Variants in ARSD observed in about 807,000 individuals in gnomAD.
ARSD encodes the protein testis tissue sperm-binding protein Li 39a.
ARSD carries 21 observed loss-of-function variants against 32.6 expected under a neutral mutation model. The ratio of observed to expected loss-of-function variants is 0.64; its 90% CI spans 0.46 to 0.93. ARSD has a LOEUF of 0.93. Among genes scored for constraint, ARSD ranks in the 40% least tolerant of loss-of-function variants. ARSD has a pLI of 0.00. For synonymous variants in ARSD, 224 were observed against 237.4 expected (o/e 0.94, Z 0.52); for missense variants, 454 against 520.9 (o/e 0.87, Z 1.25).
chrX:2,925,490 C>G (rs1343918814), intron 2 of ARSD, 126 bp downstream of exon 2: 9 of 729,685 alleles, frequency 1.2e-5, no homozygotes, highest in Middle Eastern at 5.1e-4. Context: ...GCCTTTTTAC[C>G]TGTTGGTAGT....
At chrX:2,914,126 G>C (rs1336389145) in intron 6 of ARSD, 3 of 750,048 alleles carry the variant, frequency 4.0e-6, no homozygotes, top group Non-Finnish European at 4.7e-6. Context: ...TGCAAGAATG[G>C]ACTAATACAG....
Position 2,925,703 on chromosome X carries a change from G to T in ARSD, c.107C>A (p.Ala36Glu), listed in dbSNP as rs1361378447. ...LLLKTCEPKT[A>E]NAFKPNILLI... ...TAGGATATTTGGTTTAAAGGCATTT[G>T]CAGTTTTAGGTTCACACGTCTTCAG... Residue 36 changes from alanine to glutamate, a missense_variant, in exon 2 of 10, where the codon GCA becomes GAA. Coordinates refer to ENST00000381154, the MANE Select transcript of ARSD (RefSeq NM_001669.4). 8.3e-7 allele frequency: 1 copy of T among 1,210,123 alleles called. No individual in the cohort carries two copies. Among genetic ancestry groups the T allele is most frequent in the Admixed American group, 2.2e-5 (1 of 45,972 alleles).
At chrX:2,918,909 T>C (rs1254987577) in intron 4 of ARSD, among the ~76,000 whole-genome samples, 1 of 109,514 alleles carries the variant, frequency 9.1e-6, no homozygotes, top group African/African-American at 3.3e-5. Flanking sequence ...AGGTCAGGAG[T>C]TCGAGACCAG....
Position 2,920,618 on chromosome X carries a change from T to C in ARSD, c.422A>G (p.Tyr141Cys). The change falls in exon 4 of 10, where the codon TAT becomes TGT. Residue 141 changes from tyrosine (Y) to cysteine (C), a missense_variant. Transcript: ENST00000381154. Reference sequence around the variant, plus strand: ...ATCCACACCTATGAGGCCGGTTGCATAGCCATGCTGCTGCAAGATTCTTGC... The same window carrying C: ...ATCCACACCTATGAGGCCGGTTGCACAGCCATGCTGCTGCAAGATTCTTGC... ...TFARILQQHG[Y>C]ATGLIGKWHQ... is the part of the protein sequence containing the mutation. The C allele has an allele frequency of 1.7e-6, 2 of 1,211,974 alleles. No homozygotes were observed. Among genetic ancestry groups the C allele is most frequent in the Non-Finnish European group, 2.2e-6 (2 of 895,536 alleles).
intron 4 of ARSD, 144 bp from the exon 5 acceptor site, chrX:2,918,371 G>T: frequency 1.8e-6 from 1 of 544,962 alleles, no homozygotes. Flanking sequence ...TGAATGGATT[G>T]GATACCTGTG....
At position 2,917,975 on chromosome X, in the gene ARSD, G is replaced by C; in HGVS notation, c.692C>G (p.Thr231Ser). 24 of 1,211,712 alleles carry C rather than the reference G, an allele frequency of 2.0e-5. No homozygotes were observed. Among genetic ancestry groups the C allele is most frequent in the Non-Finnish European group, 2.7e-5 (24 of 895,277 alleles). Residue 231 changes from threonine (T) to serine (S), a missense_variant, in exon 5 of 10, where the codon ACC becomes AGC. Coordinates refer to ENST00000381154, the MANE Select transcript of ARSD (RefSeq NM_001669.4). Reference protein sequence around the residue: ...GFFSVSARAVTGMAGVGCLFF... With the variant: ...GFFSVSARAVSGMAGVGCLFF... ...CAGGCAGCCCACGCCGGCCATGCCG[G>C]TGACTGCTCTCGCGGAGACAGAGAA...
chrX:2,929,177 C>A (rs2089125264), intron 1 of ARSD, 55 bp downstream of exon 1: 2 of 994,216 alleles, frequency 2.0e-6, no homozygotes, highest in Admixed American at 1.1e-4. Context: ...GCGACCCCCT[C>A]CCCAGGCCCC....
intron 6 of ARSD, chrX:2,914,261 G>C: frequency 1.4e-6 from 1 of 716,437 alleles, no homozygotes; most frequent in Non-Finnish European, 1.7e-6. Context: ...ACAGGGTCTT[G>C]CTATGTGGCC....
At chrX:2,918,916 C>A (rs1252323855) in intron 4 of ARSD, among the ~76,000 whole-genome samples, 1 of 110,082 alleles carries the variant, frequency 9.1e-6, no homozygotes, top group African/African-American at 3.3e-5. Flanking sequence ...GAGTTCGAGA[C>A]CAGCCTGGCC....
In ARSD at chrX:2,920,678, C is replaced by G; in HGVS notation, c.362G>C (p.Gly121Ala). Reference sequence around the variant, plus strand: ...TTCGTTCTCAGGGAGTCCACCTGAGCCTGCGTTCCACTGAAGGGCCCGGTA... The same window carrying G: ...TTCGTTCTCAGGGAGTCCACCTGAGGCTGCGTTCCACTGAAGGGCCCGGTA... ...NGYRALQWNA[G>A]SGGLPENETT... Residue 121 changes from glycine (G) to alanine (A), a missense_variant, in exon 4 of 10, where the codon GGC becomes GCC. Gly to Ala is a moderately conservative substitution (Grantham distance 60). Coordinates refer to ENST00000381154, the MANE Select transcript of ARSD (RefSeq NM_001669.4). 8.3e-7 allele frequency: 1 copy of G among 1,211,857 alleles called. No individual in the cohort carries two copies. Among genetic ancestry groups the G allele is most frequent in the Non-Finnish European group, 1.1e-6 (1 of 895,455 alleles).
intron 9 of ARSD, chrX:2,907,996 C>A: frequency 1.3e-6 from 1 of 793,181 alleles, no homozygotes; most frequent in Non-Finnish European, 1.5e-6. Context: ...TACACAGAAA[C>A]AACCATGATA....
At chrX:2,922,064 A>G (rs747123185) in intron 2 of ARSD, 40 bp from the exon 3 acceptor site, 27 of 1,172,957 alleles carry the variant, frequency 2.3e-5, no homozygotes, top group Admixed American at 1.1e-4. Context: ...GAAGGGAGAC[A>G]TGCATTTGGC....
Position 2,909,827 on chromosome X carries a change from GCACCTCGC to G in ARSD, c.1280_1287del (p.Gly427AlafsTer7). On this transcript the variant is annotated frameshift_variant, in exon 8 of 10. Coordinates refer to ENST00000381154, the MANE Select transcript of ARSD (RefSeq NM_001669.4). LOFTEE classifies it high-confidence loss of function. ...CTTATCTCCACGTACCTGTCCTGGGGCACCTCGCCACCCACCAGCTGGACCACAGTAGG... is the reference window on the plus strand; with the variant it reads ...CTTATCTCCACGTACCTGTCCTGGGGCACCCACCAGCTGGACCACAGTAGG... 1.7e-6 allele frequency: 2 copies of G among 1,207,139 alleles called. No individual in the cohort carries two copies. The highest frequency in any genetic ancestry group is 2.2e-6 in the Non-Finnish European group (2 of 892,982).
At chrX:2,926,040 T>C (rs1312076783) in intron 1 of ARSD, among the ~76,000 whole-genome samples, 1 of 112,000 alleles carries the variant, frequency 8.9e-6, no homozygotes, top group Admixed American at 9.5e-5. Context: ...GAGGAAGGCC[T>C]GGAAATTCTC....
At chrX:2,913,248 T>G (rs2088917424) in intron 6 of ARSD, among the ~76,000 whole-genome samples, 2 of 112,399 alleles carry the variant, frequency 1.8e-5, no homozygotes, top group Non-Finnish European at 3.8e-5. Flanking sequence ...TAAGGAGTTG[T>G]GGAGACCAAG....
intron 9 of ARSD, chrX:2,908,094 G>A (rs1321325947): frequency 9.2e-6 from 3 of 326,669 alleles, no homozygotes; most frequent in Non-Finnish European, 1.2e-5. Context: ...CTTACCCATC[G>A]ATCTCATCTA....
At position 2,907,693 on chromosome X, in the gene ARSD, C is replaced by T. The variant is rs1419933692; in HGVS notation, c.1421-61G>A. 28 of 1,084,506 alleles carry T rather than the reference C, an allele frequency of 2.6e-5. No homozygotes were observed. In the South Asian group the frequency reaches 4.8e-4, roughly 19 times the overall value. 89.4% of individuals were successfully genotyped at this position (1,084,506 alleles called of 1,213,427 possible). On this transcript the variant is annotated intron_variant, in intron 9 of 9. Transcript: ENST00000381154. The stretch of plus-strand genomic sequence containing the variant: ...AATCCACGCAGGTGTGAACGCAGAA[C>T]GCAGGTGTCGGCCCTGTGGTATCAG...
chrX:2,909,907 G>A lies in ARSD; in HGVS notation c.1208C>T (p.Pro403Leu), dbSNP rs1236144244. Residue 403 changes from proline (P) to leucine (L), a missense_variant, in exon 8 of 10, where the codon CCG becomes CTG. Physicochemically the swap from Pro to Leu is moderately conservative, Grantham distance 98 (BLOSUM62 -3). Around this residue, in one of 3 missense-constraint regions of ARSD, gnomAD observed 179 missense variants for 198.5 expected, o/e 0.90. Coordinates refer to ENST00000381154, the MANE Select transcript of ARSD (RefSeq NM_001669.4). Reference protein sequence around the residue: ...PGIFHWPGVLPAGRVIGEPTS... With the variant: ...PGIFHWPGVLLAGRVIGEPTS... Reference sequence around the variant, plus strand: ...GGGCTCTCCAATCACTCGGCCGGCCGGGAGCACCCCCGGCCAGTGGAAGAT... The same window carrying A: ...GGGCTCTCCAATCACTCGGCCGGCCAGGAGCACCCCCGGCCAGTGGAAGAT... 7 of 1,210,733 alleles carry A rather than the reference G, an allele frequency of 5.8e-6. No homozygotes were observed. The East Asian group carries it at 1.8e-4, about 31-fold the overall frequency.
chrX:2,910,861 T>A, intron 6 of ARSD, 68 bp from the exon 7 acceptor site: 1 of 1,131,087 alleles, frequency 8.8e-7, no homozygotes, highest in Non-Finnish European at 1.2e-6. Flanking sequence ...AATGCGCTTC[T>A]TCCTTTCTGC....
Sources: allele counts gnomAD v4.1 joint callset (sites outside exome capture counted in the v4.1 genomes callset), GRCh38; gene constraint gnomAD v4.1.1; regional missense constraint gnomAD v4.1.1; transcripts MANE v1.5; gene names NCBI Gene and HGNC (gene_info 2026-07-23, HGNC 2026-07-21).